Variants in AGBL1 observed in about 807,000 individuals in gnomAD.
AGBL1 encodes cytosolic carboxypeptidase 4.
AGBL1 carries 130 observed loss-of-function variants against 118.9 expected under a neutral mutation model. The observed-to-expected ratio is 1.09, with a 90% CI of 0.95 to 1.26. The LOEUF (loss-of-function observed/expected upper bound fraction) is 1.26. Among genes scored for constraint, AGBL1 ranks in the 50% most tolerant of loss-of-function variants. The probability of loss-of-function intolerance (pLI) is 0.00; values close to 1 mark genes in which losing one functional copy is unlikely to be tolerated. For synonymous variants in AGBL1, 555 were observed against 478.9 expected, an observed-to-expected ratio of 1.16 and a Z score of -2.08; for missense variants, 1,584 against 1,298.1, an observed-to-expected ratio of 1.22 and a Z score of -3.38.
intron 22 of AGBL1, among the ~76,000 whole-genome samples, chr15:86,839,638 C>A (rs1053793390): frequency 6.6e-6 from 1 of 152,086 alleles, no homozygotes. Flanking sequence ...GACTCCCCAC[C>A]CACCATCCCT....
intron 17 of AGBL1, among the ~76,000 whole-genome samples, chr15:86,298,246 A>ATTTTATATATATATATATATAT: frequency 1.4e-5 from 1 of 69,806 alleles, no homozygotes; most frequent in Non-Finnish European, 2.7e-5. Context: ...GTCTGTGTAT[A>ATTTTATATATATATATATATAT]ATATATATAT....
At chr15:86,315,717 C>CAA (rs35136419) in intron 17 of AGBL1, among the ~76,000 whole-genome samples, 2,221 of 127,410 alleles carry the variant, frequency 0.017, 34 homozygotes, top group Non-Finnish European at 0.025. Flanking sequence ...GACTTTTTCT[C>CAA]AAAAAAAAAA....
At chr15:86,166,324 A>AAT (rs1456435570) in intron 5 of AGBL1, among the ~76,000 whole-genome samples, 1 of 152,220 alleles carries the variant, frequency 6.6e-6, no homozygotes, top group African/African-American at 2.4e-5. Flanking sequence ...GTAGTGTATG[A>AAT]GGAAGGCCTT....
At chr15:86,490,484 T>A (rs1171646754) in intron 18 of AGBL1, among the ~76,000 whole-genome samples, 1 of 152,118 alleles carries the variant, frequency 6.6e-6, no homozygotes, top group Non-Finnish European at 1.5e-5. Flanking sequence ...ATCTGGTTAG[T>A]TGTGGGGAAA....
At chr15:86,396,578 C>A (rs2141989580) in intron 17 of AGBL1, among the ~76,000 whole-genome samples, 1 of 152,226 alleles carries the variant, frequency 6.6e-6, no homozygotes, top group South Asian at 2.1e-4. Context: ...GTCTTACAGT[C>A]ATGGAATTCC....
At chr15:86,588,756 G>C (rs963333283) in intron 21 of AGBL1, among the ~76,000 whole-genome samples, 5 of 152,130 alleles carry the variant, frequency 3.3e-5, no homozygotes, top group Admixed American at 6.5e-5. Context: ...AATTAAACCT[G>C]ACCCTATGAG....
intron 5 of AGBL1, among the ~76,000 whole-genome samples, chr15:86,205,915 G>A (rs1028303535): frequency 2.0e-5 from 3 of 152,102 alleles, no homozygotes; most frequent in Non-Finnish European, 4.4e-5. Flanking sequence ...TGCCATGTTG[G>A]TTTGCTGCAC....
chr15:86,164,332 TG>T (rs1431323373), intron 5 of AGBL1, among the ~76,000 whole-genome samples: 1 of 152,220 alleles, frequency 6.6e-6, no homozygotes, highest in Non-Finnish European at 1.5e-5. Context: ...TTTGTTCCAC[TG>T]TGGACAAGCT....
intron 22 of AGBL1, among the ~76,000 whole-genome samples, chr15:86,739,902 T>C (rs745448590): frequency 3.5e-4 from 53 of 152,174 alleles, no homozygotes; most frequent in Non-Finnish European, 7.2e-4. Context: ...CACTGAGCCC[T>C]GCTATGAAGA....
chr15:86,980,891 T>A (rs1004847437), intron 23 of AGBL1, among the ~76,000 whole-genome samples: 1 of 146,364 alleles, frequency 6.8e-6, no homozygotes, highest in Non-Finnish European at 1.5e-5. Flanking sequence ...CATCCTTTTT[T>A]TTTTTTTTTT....
intron 18 of AGBL1, among the ~76,000 whole-genome samples, chr15:86,449,713 A>T (rs1169692177): frequency 6.6e-6 from 1 of 152,202 alleles, no homozygotes; most frequent in Non-Finnish European, 1.5e-5. Context: ...AGCTGGGACT[A>T]GGCAGCAGAA....
chr15:86,962,478 G>C (rs2081002656), intron 23 of AGBL1, among the ~76,000 whole-genome samples: 1 of 151,552 alleles, frequency 6.6e-6, no homozygotes, highest in Admixed American at 6.6e-5. Context: ...TTTTTACTTT[G>C]TTTACTATCA....
chr15:86,188,987 A>G (rs1325080779), intron 5 of AGBL1, among the ~76,000 whole-genome samples: 1 of 152,218 alleles, frequency 6.6e-6, no homozygotes, highest in Non-Finnish European at 1.5e-5. Context: ...CTGTACATGA[A>G]TAGTTTTAAG....
intron 22 of AGBL1, among the ~76,000 whole-genome samples, chr15:86,760,861 A>G (rs2078013019): frequency 6.6e-6 from 1 of 152,080 alleles, no homozygotes; most frequent in African/African-American, 2.4e-5. Flanking sequence ...GAAAAGCCAC[A>G]ACTTAAGTTT....
chr15:86,570,462 T>C (rs957926131), intron 21 of AGBL1, among the ~76,000 whole-genome samples: 1 of 152,194 alleles, frequency 6.6e-6, no homozygotes, highest in Admixed American at 6.5e-5. Context: ...TTTTCTTTAA[T>C]CAAGGGGTAG....
intron 22 of AGBL1, among the ~76,000 whole-genome samples, chr15:86,828,920 A>ATATATATATATG (rs2079067776): frequency 2.8e-5 from 1 of 36,128 alleles, no homozygotes; most frequent in Admixed American, 2.2e-4. Context: ...AAAAGTATAT[A>ATATATATATATG]TATATATATA....
chr15:87,000,794 A>G (rs886221924), intron 24 of AGBL1, among the ~76,000 whole-genome samples: 7 of 142,076 alleles, frequency 4.9e-5, no homozygotes, highest in Admixed American at 7.2e-5. Flanking sequence ...TGGGGATGGC[A>G]TTGAATCTGT....
Position 86,963,668 on chromosome 15 carries a change from GTGTAGTC to G in AGBL1, c.3222-24313_3222-24307del, listed in dbSNP as rs545737666. ...CCTCACATCACATCACTCGGAGTTA[GTGTAGTC>G]TGTAGGTTAGAGGGTGGAGTAGGAG... On this transcript the variant is annotated intron_variant, in intron 23 of 24. Transcript: ENST00000441037. 1.2e-4 allele frequency among the ~76,000 whole-genome samples: 19 copies of G among 152,124 alleles called. No homozygotes were observed. In the East Asian group the frequency reaches 3.3e-3, roughly 26 times the overall value.
chr15:86,290,827 C>T (rs747710871), intron 16 of AGBL1, among the ~76,000 whole-genome samples: 2 of 151,898 alleles, frequency 1.3e-5, no homozygotes, highest in Non-Finnish European at 2.9e-5. Flanking sequence ...TCTCCTAATG[C>T]CATCCCTCCC....
Sources: allele counts gnomAD v4.1 joint callset (sites outside exome capture counted in the v4.1 genomes callset), GRCh38; gene constraint gnomAD v4.1.1; transcripts MANE v1.5; gene names NCBI Gene and HGNC (gene_info 2026-07-23, HGNC 2026-07-21).